RTN1: variants seen among roughly 807,000 people sequenced by gnomAD.
RTN1 encodes reticulon-1.
Under a neutral mutation model 65.5 loss-of-function variants are expected in RTN1, and 25 were observed. The ratio of observed to expected loss-of-function variants is 0.38; its 90% CI spans 0.28 to 0.53. RTN1 has a LOEUF of 0.53. Among genes scored for constraint, RTN1 ranks in the 20% least tolerant of loss-of-function variants. RTN1 has a pLI of 0.79. For missense variants in RTN1, 983 were observed against 1,025.4 expected, an observed-to-expected ratio of 0.96 and a Z score of 0.57; for synonymous variants, 471 against 447.6, an observed-to-expected ratio of 1.05 and a Z score of -0.66.
rs1342795893 is a variant in RTN1 at position 59,849,316 on chromosome 14, A to G, written c.241+21074T>C. Among the ~76,000 whole-genome samples, 1 of 151,898 alleles carries G rather than the reference A, an allele frequency of 6.6e-6. No individual in the cohort carries two copies. Among genetic ancestry groups the G allele is most frequent in the South Asian group, 2.1e-4 (1 of 4,810 alleles). On this transcript the variant is annotated intron_variant, in intron 1 of 8. Coordinates refer to ENST00000267484, the MANE Select transcript of RTN1 (RefSeq NM_021136.3). This position sits in a 1 kb window ranked among gnomAD's most constrained non-coding sequence, Gnocchi z 4.5. ...TCTATTTCCTCTCTTTTCCTTAACT[A>G]CTCCCTGTTCCCCAAAGTATAGAGT... is the stretch of plus-strand genomic sequence containing the variant.
chr14:59,653,198 T>C (rs1256787814), intron 3 of RTN1, among the ~76,000 whole-genome samples: 1 of 152,184 alleles, frequency 6.6e-6, no homozygotes, highest in Admixed American at 6.5e-5. Context: ...CAGGAGATTA[T>C]TAATACTAAT....
chr14:59,645,729 C>T (rs369125408), intron 3 of RTN1, among the ~76,000 whole-genome samples: 1 of 152,208 alleles, frequency 6.6e-6, no homozygotes, highest in Non-Finnish European at 1.5e-5. Flanking sequence ...CTGTTCTCCA[C>T]GCAGGTCCTG....
Position 59,727,903 on chromosome 14 carries a change from A to G in RTN1, c.1016-235T>C, listed in dbSNP as rs1884814956. Among the ~76,000 whole-genome samples, 2 of 152,120 alleles carry G rather than the reference A, an allele frequency of 1.3e-5. No homozygotes were observed. The highest frequency in any genetic ancestry group is 2.9e-5 in the Non-Finnish European group (2 of 68,020). On this transcript the variant is annotated intron_variant, in intron 2 of 8. Coordinates refer to ENST00000267484, the MANE Select transcript of RTN1 (RefSeq NM_021136.3). The surrounding 1 kb of genome is among the most constrained non-coding windows in gnomAD (Gnocchi z 4.2). ...GGCCCAATTAATTAGTGTTTTACAG[A>G]CCTCTCTATCTTCAGCTAGCTATTT...
chr14:59,665,339 C>T (rs1316289792), intron 3 of RTN1, among the ~76,000 whole-genome samples: 5 of 152,084 alleles, frequency 3.3e-5, no homozygotes, highest in Admixed American at 6.6e-5. Flanking sequence ...ACCAGCCAAA[C>T]TAAGCTTCAT....
At chr14:59,853,474 C>A (rs1227546062) in intron 1 of RTN1, among the ~76,000 whole-genome samples, 1 of 152,136 alleles carries the variant, frequency 6.6e-6, no homozygotes, top group East Asian at 1.9e-4. Flanking sequence ...ATAACCCATC[C>A]TATCTTCTTT....
At chr14:59,639,475 T>C (rs1329891212) in intron 3 of RTN1, among the ~76,000 whole-genome samples, 1 of 152,204 alleles carries the variant, frequency 6.6e-6, no homozygotes, top group African/African-American at 2.4e-5. Context: ...ATATCTTCTG[T>C]GAATAAAAAT....
chr14:59,602,212 C>A (rs543937021), intron 8 of RTN1, among the ~76,000 whole-genome samples: 1 of 152,280 alleles, frequency 6.6e-6, no homozygotes, highest in African/African-American at 2.4e-5. Flanking sequence ...ATGCCTCTCT[C>A]TAAATCTGAC....
At position 59,717,366 on chromosome 14, in the gene RTN1, T is replaced by C. The variant is rs369868917; in HGVS notation, c.1765+9553A>G. Among the ~76,000 whole-genome samples the C allele has an allele frequency of 4.7e-4, 72 of 152,290 alleles. No individual in the cohort carries two copies. The South Asian group carries it at 8.7e-3, about 18-fold the overall frequency. On this transcript the variant is annotated intron_variant, in intron 3 of 8. Coordinates refer to ENST00000267484, the MANE Select transcript of RTN1 (RefSeq NM_021136.3). ...TATGCAACTTTGAACTGGATTACTA[T>C]TAGTGGTAGTGAAATGTTTGATCTT...
At chr14:59,652,329 G>A (rs1439845110) in intron 3 of RTN1, among the ~76,000 whole-genome samples, 1 of 152,150 alleles carries the variant, frequency 6.6e-6, no homozygotes, top group African/African-American at 2.4e-5. Flanking sequence ...TCATTACTAG[G>A]TATATACCCA....
chr14:59,781,818 G>A (rs1276601781), intron 1 of RTN1, among the ~76,000 whole-genome samples: 1 of 152,148 alleles, frequency 6.6e-6, no homozygotes, highest in Non-Finnish European at 1.5e-5. Context: ...AAGTGAATAA[G>A]TTAGATAAGA....
intron 3 of RTN1, among the ~76,000 whole-genome samples, chr14:59,632,476 G>T (rs1412271206): frequency 4.6e-5 from 7 of 152,192 alleles, no homozygotes; most frequent in Non-Finnish European, 1.5e-5. Context: ...TAAGGCAGGG[G>T]TTGCCTGGTG....
intron 3 of RTN1, among the ~76,000 whole-genome samples, chr14:59,710,217 ATC>A (rs980597114): frequency 6.7e-6 from 1 of 150,124 alleles, no homozygotes; most frequent in African/African-American, 2.5e-5. Flanking sequence ...CAATTTTTGT[ATC>A]TTTTTTTTGT....
In RTN1 at chr14:59,868,618, A is replaced by G. The variant is rs771558821; in HGVS notation, c.241+1772T>C. Among the ~76,000 whole-genome samples the G allele has an allele frequency of 6.6e-6, 1 of 152,206 alleles. No individual in the cohort carries two copies. Among genetic ancestry groups the G allele is most frequent in the Non-Finnish European group, 1.5e-5 (1 of 68,012 alleles). ...TAGCTAATCATTTGACAATGCAGAC[A>G]TATGTCAAAACATCACACTGTACCC... is the stretch of plus-strand genomic sequence containing the variant. On this transcript the variant is annotated intron_variant, in intron 1 of 8. Transcript: ENST00000267484. The surrounding 1 kb of genome is among the most constrained non-coding windows in gnomAD (Gnocchi z 4.0).
chr14:59,815,371 C>T (rs184153092), intron 1 of RTN1, among the ~76,000 whole-genome samples: 10 of 152,280 alleles, frequency 6.6e-5, no homozygotes, highest in Non-Finnish European at 1.5e-4. Flanking sequence ...CCTTCTATCA[C>T]TTCCTTGGAG....
intron 3 of RTN1, among the ~76,000 whole-genome samples, chr14:59,616,746 T>A (rs977827419): frequency 7.9e-5 from 12 of 152,178 alleles, no homozygotes; most frequent in Non-Finnish European, 1.5e-4. Context: ...CAAAAGGCAG[T>A]TTATAATCAG....
At chr14:59,773,414 T>A (rs1885994222) in intron 1 of RTN1, among the ~76,000 whole-genome samples, 1 of 152,200 alleles carries the variant, frequency 6.6e-6, no homozygotes, top group African/African-American at 2.4e-5. Context: ...AAGTATTATA[T>A]GTCTATTACA....
At chr14:59,848,058 T>C (rs1022725800) in intron 1 of RTN1, among the ~76,000 whole-genome samples, 2 of 152,210 alleles carry the variant, frequency 1.3e-5, no homozygotes, top group Admixed American at 6.6e-5. Context: ...CACTTTCATC[T>C]TTCATCTGAG....
At chr14:59,742,480 C>T (rs1232136131) in intron 2 of RTN1, among the ~76,000 whole-genome samples, 1 of 152,192 alleles carries the variant, frequency 6.6e-6, no homozygotes, top group Non-Finnish European at 1.5e-5. Context: ...ACCTCTCCAC[C>T]TCAGTGTATA....
chr14:59,823,801 G>A (rs906846184), intron 1 of RTN1, among the ~76,000 whole-genome samples: 6 of 152,166 alleles, frequency 3.9e-5, no homozygotes, highest in East Asian at 3.9e-4. Flanking sequence ...GAATTTACAC[G>A]TCAACCTCTC....
Sources: allele counts gnomAD v4.1 joint callset (sites outside exome capture counted in the v4.1 genomes callset), GRCh38; gene constraint gnomAD v4.1.1; non-coding constraint Gnocchi (gnomAD v3.1); transcripts MANE v1.5; gene names NCBI Gene and HGNC (gene_info 2026-07-23, HGNC 2026-07-21).